Variants in WDFY2 observed in about 807,000 individuals in gnomAD.
WDFY2 encodes WD repeat and FYVE domain-containing protein 2.
WDFY2 carries 36 observed loss-of-function variants against 56.4 expected under a neutral mutation model. That is an observed-to-expected ratio of 0.64 (90% confidence interval 0.49 to 0.84). The LOEUF is 0.84. Ranked by LOEUF, WDFY2 falls within the 40% of genes least tolerant of loss-of-function variation. The probability of loss-of-function intolerance (pLI) is 0.00; values close to 1 mark genes in which losing one functional copy is unlikely to be tolerated. For synonymous variants in WDFY2, 176 were observed against 183.7 expected (o/e 0.96, Z 0.34); for missense variants, 444 against 512.2 (o/e 0.87, Z 1.29).
chr13:51,721,466 G>C (rs1302266780), intron 5 of WDFY2, among the ~76,000 whole-genome samples: 4 of 152,258 alleles, frequency 2.6e-5, no homozygotes, highest in Non-Finnish European at 5.9e-5. Context: ...AATTTGCCCT[G>C]ACTGTTGTCT....
At position 51,766,755 on chromosome 13, in the gene WDFY2, T is replaced by C. The variant is rs763873535; in HGVS notation, c.*6986T>C. ...CCAATGTACAACTCTCAATGCGGAG[T>C]TGCCGCCACGGTTTAAAATAAATCT... On this transcript the variant is annotated 3_prime_UTR_variant, in exon 12 of 12. Coordinates refer to ENST00000298125, the MANE Select transcript of WDFY2 (RefSeq NM_052950.4). 10 of 152,194 alleles carry C rather than the reference T, an allele frequency of 6.6e-5. No individual in the cohort carries two copies. Among genetic ancestry groups the C allele is most frequent in the Non-Finnish European group, 8.8e-5 (6 of 68,052 alleles). The allele number at this position is 152,194 out of a possible 1,614,324, so 9.4% of individuals were successfully genotyped here.
intron 1 of WDFY2, among the ~76,000 whole-genome samples, chr13:51,634,749 A>G (rs1462933059): frequency 6.6e-6 from 1 of 151,898 alleles, no homozygotes; most frequent in Admixed American, 6.6e-5. Context: ...ATTCAGTACC[A>G]GGAAAGAACT....
chr13:51,641,782 C>T (rs982153893), intron 1 of WDFY2, among the ~76,000 whole-genome samples: 2 of 142,628 alleles, frequency 1.4e-5, no homozygotes, highest in African/African-American at 2.6e-5. Flanking sequence ...GCCGAGATCC[C>T]GCCACTGCAC....
At chr13:51,650,878 T>G (rs1424337864) in intron 1 of WDFY2, among the ~76,000 whole-genome samples, 1 of 152,204 alleles carries the variant, frequency 6.6e-6, no homozygotes, top group African/African-American at 2.4e-5. Flanking sequence ...AAATTCTCTT[T>G]TTTTGTTGTG....
At chr13:51,747,815 G>A (rs919342133) in intron 7 of WDFY2, among the ~76,000 whole-genome samples, 2 of 152,236 alleles carry the variant, frequency 1.3e-5, no homozygotes, top group Non-Finnish European at 2.9e-5. Flanking sequence ...ACAGGCATGA[G>A]CCACTGCGCC....
At chr13:51,753,067 G>C (rs1014365021) in intron 8 of WDFY2, 2 of 152,216 alleles carry the variant, frequency 1.3e-5, no homozygotes, top group Non-Finnish European at 2.9e-5. Context: ...TCAGTGCTGG[G>C]TATTTTAGAA....
chr13:51,668,528 G>A (rs961980581), intron 2 of WDFY2, among the ~76,000 whole-genome samples: 4 of 152,184 alleles, frequency 2.6e-5, no homozygotes, highest in South Asian at 2.1e-4. Context: ...AAAATAAAAC[G>A]TGTTGAGTAC....
intron 1 of WDFY2, chr13:51,588,949 T>G (rs1953995086): frequency 6.6e-6 from 1 of 152,110 alleles, no homozygotes; most frequent in South Asian, 2.1e-4. Flanking sequence ...AGAAGAAAGT[T>G]ACTGGGGAGG....
chr13:51,651,797 G>A (rs1412846816), intron 1 of WDFY2, among the ~76,000 whole-genome samples: 1 of 151,730 alleles, frequency 6.6e-6, no homozygotes, highest in African/African-American at 2.4e-5. Context: ...TTTTACATTT[G>A]CTGAGGAGTG....
In WDFY2 at chr13:51,728,871, G is replaced by T. The variant is rs73494135; in HGVS notation, c.598+1081G>T. Among the ~76,000 whole-genome samples, 1,100 of 152,100 alleles carry T rather than the reference G, an allele frequency of 7.2e-3. 13 individuals are homozygous for T. The highest frequency in any genetic ancestry group is 0.025 in the African/African-American group (1,053 of 41,468). ...TGGCCAAGACTGGGCCTGGGGTTCT[G>T]GGGGGGACCCAGAACTGTCCCACCT... On this transcript the variant is annotated intron_variant, in intron 6 of 11. Coordinates refer to ENST00000298125, the MANE Select transcript of WDFY2 (RefSeq NM_052950.4).
chr13:51,750,669 G>A (rs1322419115), intron 7 of WDFY2, among the ~76,000 whole-genome samples: 1 of 152,066 alleles, frequency 6.6e-6, no homozygotes, highest in Non-Finnish European at 1.5e-5. Context: ...CCGCCAAGAG[G>A]GAATAACTTG....
At chr13:51,642,658 C>T (rs1356478129) in intron 1 of WDFY2, among the ~76,000 whole-genome samples, 1 of 150,424 alleles carries the variant, frequency 6.6e-6, no homozygotes, top group African/African-American at 2.4e-5. Flanking sequence ...GCTTCGTGAC[C>T]AGCCTGTGGG....
intron 1 of WDFY2, chr13:51,588,960 G>C (rs574219811): frequency 2.0e-4 from 30 of 152,294 alleles, no homozygotes; most frequent in African/African-American, 6.7e-4. Context: ...ACTGGGGAGG[G>C]CGATATGGGG....
At chr13:51,653,180 C>T (rs756916162) in intron 1 of WDFY2, among the ~76,000 whole-genome samples, 8 of 152,198 alleles carry the variant, frequency 5.3e-5, no homozygotes, top group Non-Finnish European at 8.8e-5. Context: ...GATACTCTTT[C>T]TTCCAGTTGA....
At chr13:51,700,562 CTTTTA>C (rs1394176667) in intron 3 of WDFY2, among the ~76,000 whole-genome samples, 2 of 152,090 alleles carry the variant, frequency 1.3e-5, no homozygotes, top group African/African-American at 4.8e-5. Context: ...TCTTCTCGGA[CTTTTA>C]TTTTATAGAA....
At chr13:51,724,471 T>C (rs1952561778) in intron 5 of WDFY2, among the ~76,000 whole-genome samples, 4 of 152,172 alleles carry the variant, frequency 2.6e-5, no homozygotes, top group Admixed American at 2.6e-4. Context: ...ACTCCTGACC[T>C]CGTGATCCGA....
At chr13:51,642,371 T>C (rs2138406242) in intron 1 of WDFY2, among the ~76,000 whole-genome samples, 1 of 152,238 alleles carries the variant, frequency 6.6e-6, no homozygotes, top group East Asian at 1.9e-4. Flanking sequence ...CACTGCAACC[T>C]CCACCTCCCA....
At chr13:51,639,976 A>G (rs1955125172) in intron 1 of WDFY2, among the ~76,000 whole-genome samples, 1 of 152,220 alleles carries the variant, frequency 6.6e-6, no homozygotes, top group South Asian at 2.1e-4. Context: ...TATTATTTTT[A>G]ACATTTGGGC....
chr13:51,691,223 G>A (rs1455119356), intron 3 of WDFY2, among the ~76,000 whole-genome samples: 1 of 152,096 alleles, frequency 6.6e-6, no homozygotes, highest in Non-Finnish European at 1.5e-5. Flanking sequence ...TGTCAATTTT[G>A]TCTTTTGTTG....
Sources: allele counts gnomAD v4.1 joint callset (sites outside exome capture counted in the v4.1 genomes callset), GRCh38; gene constraint gnomAD v4.1.1; transcripts MANE v1.5; gene names NCBI Gene and HGNC (gene_info 2026-07-23, HGNC 2026-07-21).